The following KDM4C variants were observed in gnomAD, a reference collection of about 807,000 sequenced individuals.
KDM4C encodes the protein lysine-specific demethylase 4C.
KDM4C carries 81 observed loss-of-function variants against 129.3 expected under a neutral mutation model. The ratio of observed to expected loss-of-function variants is 0.63; its 90% CI spans 0.52 to 0.75. The LOEUF (loss-of-function observed/expected upper bound fraction) is 0.75, where lower values mean the gene tolerates loss of function less well. Among genes scored for constraint, KDM4C ranks in the 30% least tolerant of loss-of-function variants. The pLI is 0.00. For synonymous variants in KDM4C, 573 were observed against 456.1 expected (o/e 1.26, Z -3.26); for missense variants, 1,457 against 1,304.0 (o/e 1.12, Z -1.81).
At chr9:7,110,111 A>G (rs1218613984) in intron 18 of KDM4C, among the ~76,000 whole-genome samples, 2 of 152,192 alleles carry the variant, frequency 1.3e-5, no homozygotes, top group East Asian at 3.8e-4. Flanking sequence ...GGACTAATCC[A>G]CACTTCTAGA....
chr9:7,042,190 T>A (rs1828718403), intron 15 of KDM4C, among the ~76,000 whole-genome samples: 2 of 152,088 alleles, frequency 1.3e-5, no homozygotes, highest in Non-Finnish European at 2.9e-5. Context: ...ATAAAGTATC[T>A]GAGGCACAGA....
chr9:6,788,838 A>T (rs1002152866), intron 1 of KDM4C, among the ~76,000 whole-genome samples: 10 of 152,124 alleles, frequency 6.6e-5, no homozygotes, highest in Non-Finnish European at 1.5e-4. Flanking sequence ...CCAGAGGATT[A>T]GGAATCTCAG....
intron 15 of KDM4C, among the ~76,000 whole-genome samples, chr9:7,041,398 A>G (rs367847626): frequency 4.6e-5 from 7 of 151,994 alleles, no homozygotes; most frequent in South Asian, 2.1e-4. Context: ...CTTGGAACCA[A>G]TCTCCCTTGG....
intron 4 of KDM4C, chr9:6,834,405 A>G: frequency 2.5e-6 from 1 of 393,890 alleles, no homozygotes; most frequent in Non-Finnish European, 4.9e-6. Flanking sequence ...GTGAGCACAG[A>G]CCCTGGCCCT....
chr9:7,128,913 C>G (rs1484804212), intron 19 of KDM4C, among the ~76,000 whole-genome samples: 1 of 152,152 alleles, frequency 6.6e-6, no homozygotes, highest in African/African-American at 2.4e-5. Flanking sequence ...TAATGACTGA[C>G]TTTGTTTCAG....
chr9:6,730,378 G>A (rs985431885), intron 1 of KDM4C, among the ~76,000 whole-genome samples: 4 of 152,074 alleles, frequency 2.6e-5, no homozygotes, highest in Middle Eastern at 6.3e-3. Flanking sequence ...CACTTTCGGA[G>A]GCCAAGGCAG....
intron 19 of KDM4C, among the ~76,000 whole-genome samples, chr9:7,130,801 T>C (rs1311948165): frequency 6.6e-6 from 1 of 152,108 alleles, no homozygotes; most frequent in Admixed American, 6.6e-5. Context: ...TTTTGTCGCC[T>C]AGGCTGGAGG....
At chr9:6,789,136 G>GC (rs956327536) in intron 1 of KDM4C, among the ~76,000 whole-genome samples, 2 of 150,154 alleles carry the variant, frequency 1.3e-5, no homozygotes, top group African/African-American at 4.9e-5. Flanking sequence ...TGCACCCTCT[G>GC]CCCCCCGGGG....
intron 19 of KDM4C, among the ~76,000 whole-genome samples, chr9:7,131,936 G>A (rs1016759307): frequency 6.6e-6 from 1 of 152,094 alleles, no homozygotes; most frequent in African/African-American, 2.4e-5. Context: ...TCTTCTGTTT[G>A]TCCAAAAACT....
At chr9:7,009,586 T>G (rs938917437) in intron 12 of KDM4C, among the ~76,000 whole-genome samples, 1 of 152,206 alleles carries the variant, frequency 6.6e-6, no homozygotes, top group Non-Finnish European at 1.5e-5. Flanking sequence ...TTGGTGCCAC[T>G]GCCTTGATTC....
intron 19 of KDM4C, among the ~76,000 whole-genome samples, chr9:7,133,493 C>G (rs1299011893): frequency 1.3e-5 from 2 of 152,180 alleles, no homozygotes; most frequent in African/African-American, 2.4e-5. Context: ...CTGTAACAAA[C>G]CCTGCTCCAG....
At chr9:6,820,010 G>T (rs556480655) in intron 4 of KDM4C, among the ~76,000 whole-genome samples, 5 of 151,952 alleles carry the variant, frequency 3.3e-5, no homozygotes, top group Non-Finnish European at 5.9e-5. Context: ...TAAGAAAATC[G>T]TAGCCGTTTT....
chr9:7,064,693 C>A (rs1832171798), intron 17 of KDM4C, among the ~76,000 whole-genome samples: 1 of 152,124 alleles, frequency 6.6e-6, no homozygotes, highest in African/African-American at 2.4e-5. Flanking sequence ...CCTTGTAGAC[C>A]ATCTGGGTGT....
chr9:6,737,315 AGG>A, intron 1 of KDM4C, among the ~76,000 whole-genome samples: 1 of 152,198 alleles, frequency 6.6e-6, no homozygotes, highest in Admixed American at 6.6e-5. Flanking sequence ...AGAATCCATA[AGG>A]AACTTAAACA....
At chr9:6,815,020 A>C (rs1277189241) in intron 4 of KDM4C, 8 of 246,684 alleles carry the variant, frequency 3.2e-5, no homozygotes, top group Admixed American at 5.5e-5. Context: ...TTAAAGCAAA[A>C]ATACATTATA....
chr9:7,153,847 A>G (rs1203748839), intron 19 of KDM4C, among the ~76,000 whole-genome samples: 2 of 151,440 alleles, frequency 1.3e-5, no homozygotes, highest in African/African-American at 4.9e-5. Context: ...AGCTGCAGCT[A>G]TGGGCAAGAC....
intron 19 of KDM4C, among the ~76,000 whole-genome samples, chr9:7,147,287 G>A (rs536487511): frequency 1.3e-5 from 2 of 152,174 alleles, no homozygotes; most frequent in Non-Finnish European, 2.9e-5. Context: ...GTCAAGCTGT[G>A]CTCCCAGAAG....
chr9:7,089,332 G>A (rs1835516379), intron 17 of KDM4C, among the ~76,000 whole-genome samples: 2 of 152,098 alleles, frequency 1.3e-5, no homozygotes. Context: ...GCACCATAGT[G>A]GCACACAACT....
At chr9:7,094,485 C>G (rs1384412224) in intron 17 of KDM4C, among the ~76,000 whole-genome samples, 1 of 152,126 alleles carries the variant, frequency 6.6e-6, no homozygotes, top group Non-Finnish European at 1.5e-5. Context: ...TTTATCTCAT[C>G]TAGAAGACGA....
Sources: allele counts gnomAD v4.1 joint callset (sites outside exome capture counted in the v4.1 genomes callset), GRCh38; gene constraint gnomAD v4.1.1; transcripts MANE v1.5; gene names NCBI Gene and HGNC (gene_info 2026-07-23, HGNC 2026-07-21).